The following MDGA2 variants were observed in gnomAD, a reference collection of about 807,000 sequenced individuals.
MDGA2 encodes the protein MAM domain containing glycosylphosphatidylinositol anchor 2, also known as MAM domain-containing glycosylphosphatidylinositol anchor protein 2.
In MDGA2, 40 loss-of-function variants were observed where a neutral mutation model predicts 117.8. The ratio of observed to expected loss-of-function variants is 0.34; its 90% CI spans 0.26 to 0.44. The LOEUF (loss-of-function observed/expected upper bound fraction) is 0.44. MDGA2 is among the 20% of genes least tolerant of loss of function. The probability of loss-of-function intolerance (pLI) is 1.00; values close to 1 mark genes in which losing one functional copy is unlikely to be tolerated. For synonymous variants in MDGA2, 452 were observed against 439.0 expected (o/e 1.03, Z -0.37); for missense variants, 1,123 against 1,250.6 (o/e 0.90, Z 1.54).
At chr14:47,177,058 C>T (rs1213428664) in intron 3 of MDGA2, among the ~76,000 whole-genome samples, 10 of 151,518 alleles carry the variant, frequency 6.6e-5, no homozygotes, top group East Asian at 3.9e-4. Flanking sequence ...AAAATGCTCA[C>T]CATCACTGGC....
At chr14:47,572,675 A>G (rs1246042935) in intron 1 of MDGA2, among the ~76,000 whole-genome samples, 2 of 152,132 alleles carry the variant, frequency 1.3e-5, no homozygotes, top group African/African-American at 2.4e-5. Flanking sequence ...TCTACCTCCA[A>G]TGGTACTACT....
intron 5 of MDGA2, among the ~76,000 whole-genome samples, chr14:47,099,553 A>G (rs578195789): frequency 7.9e-5 from 12 of 152,100 alleles, no homozygotes; most frequent in African/African-American, 2.6e-4. Context: ...TTTTTTCTTC[A>G]TATTACCTTG....
chr14:47,339,347 G>T (rs776190701), intron 1 of MDGA2, among the ~76,000 whole-genome samples: 1 of 152,058 alleles, frequency 6.6e-6, no homozygotes, highest in Non-Finnish European at 1.5e-5. Context: ...TTTAAAAATA[G>T]TATTCTGTAA....
chr14:47,337,226 A>G (rs1423082451), intron 1 of MDGA2, among the ~76,000 whole-genome samples: 1 of 152,092 alleles, frequency 6.6e-6, no homozygotes, highest in African/African-American at 2.4e-5. Context: ...TAATAAATTC[A>G]AGGAAGGTAA....
At chr14:46,898,199 A>G (rs966147118) in intron 10 of MDGA2, among the ~76,000 whole-genome samples, 1 of 152,118 alleles carries the variant, frequency 6.6e-6, no homozygotes, top group Non-Finnish European at 1.5e-5. Flanking sequence ...AATTAAAAAT[A>G]TGAAATATAA....
intron 2 of MDGA2, among the ~76,000 whole-genome samples, chr14:47,277,094 G>A (rs1342106691): frequency 1.3e-5 from 2 of 152,130 alleles, no homozygotes; most frequent in Non-Finnish European, 1.5e-5. Flanking sequence ...AAGCTCTTAT[G>A]AAGGATCAGG....
chr14:47,038,967 G>C (rs1319828944), intron 7 of MDGA2, among the ~76,000 whole-genome samples: 1 of 150,278 alleles, frequency 6.7e-6, no homozygotes. Context: ...AAAAAAAATA[G>C]ATTTTAAATC....
chr14:47,210,180 C>A (rs372709127), intron 3 of MDGA2, among the ~76,000 whole-genome samples: 126 of 152,208 alleles, frequency 8.3e-4, no homozygotes, highest in African/African-American at 2.8e-3. Context: ...CAGACAAGGA[C>A]CAAAAATATC....
At chr14:47,573,229 T>G (rs184240277) in intron 1 of MDGA2, among the ~76,000 whole-genome samples, 1 of 151,858 alleles carries the variant, frequency 6.6e-6, no homozygotes, top group African/African-American at 2.4e-5. Flanking sequence ...AAGATGAGAG[T>G]TGATTAAGAT....
At chr14:46,971,940 T>A (rs954650409) in intron 8 of MDGA2, among the ~76,000 whole-genome samples, 3 of 152,190 alleles carry the variant, frequency 2.0e-5, no homozygotes, top group East Asian at 1.9e-4. Context: ...TGACTTTGGG[T>A]TGTTGAAACA....
intron 8 of MDGA2, among the ~76,000 whole-genome samples, chr14:46,971,081 A>T (rs1356540747): frequency 6.6e-6 from 1 of 152,128 alleles, no homozygotes; most frequent in Non-Finnish European, 1.5e-5. Context: ...ACTGGTGAGG[A>T]TGCAGAGAAA....
chr14:47,584,354 G>C (rs566107925), intron 1 of MDGA2, among the ~76,000 whole-genome samples: 16 of 151,882 alleles, frequency 1.1e-4, no homozygotes, highest in African/African-American at 2.7e-4. Context: ...GTTTGCTACA[G>C]ATTAACCTTA....
intron 3 of MDGA2, among the ~76,000 whole-genome samples, chr14:47,212,509 G>A (rs1162908370): frequency 6.6e-6 from 1 of 152,092 alleles, no homozygotes; most frequent in Non-Finnish European, 1.5e-5. Flanking sequence ...AATACCCAGA[G>A]GCAACCTTTT....
At chr14:47,300,273 A>C (rs756050349) in intron 2 of MDGA2, among the ~76,000 whole-genome samples, 11 of 152,158 alleles carry the variant, frequency 7.2e-5, no homozygotes, top group Non-Finnish European at 1.6e-4. Context: ...TTGTCTACTG[A>C]GTGAAACTAT....
At chr14:47,512,693 T>C (rs1894666427) in intron 1 of MDGA2, among the ~76,000 whole-genome samples, 1 of 152,196 alleles carries the variant, frequency 6.6e-6, no homozygotes, top group South Asian at 2.1e-4. Flanking sequence ...CTTGAAATTA[T>C]TGATGTCAGT....
intron 1 of MDGA2, among the ~76,000 whole-genome samples, chr14:47,339,291 AAG>A (rs1350840273): frequency 3.3e-5 from 5 of 152,270 alleles, no homozygotes; most frequent in South Asian, 2.1e-4. Context: ...ATAATACAAA[AAG>A]AGATTTTATT....
rs1253015700 is a variant in MDGA2, at chr14:47,053,827, G to A, written c.1525+7422C>T. ...AGTAAAATTCTCTGCTGGTTATTTC[G>A]CTTCTCTCTGCAGTTCAGTAGCACT... On this transcript the variant is annotated intron_variant, in intron 7 of 16. Coordinates refer to ENST00000399232, the MANE Select transcript of MDGA2 (RefSeq NM_001113498.3). 2.0e-5 allele frequency among the ~76,000 whole-genome samples: 3 copies of A among 151,490 alleles called. No individual in the cohort carries two copies. The East Asian group carries it at 5.8e-4, about 29-fold the overall frequency.
At chr14:47,490,749 T>C (rs1170097704) in intron 1 of MDGA2, among the ~76,000 whole-genome samples, 2 of 152,084 alleles carry the variant, frequency 1.3e-5, no homozygotes, top group Non-Finnish European at 2.9e-5. Context: ...ATAAAAAATA[T>C]TATATCAGCT....
intron 8 of MDGA2, among the ~76,000 whole-genome samples, chr14:47,019,272 T>C (rs961645057): frequency 3.3e-5 from 5 of 152,176 alleles, no homozygotes; most frequent in Admixed American, 3.3e-4. Context: ...AGAATCATCA[T>C]AATTTTGACA....
Sources: allele counts gnomAD v4.1 joint callset (sites outside exome capture counted in the v4.1 genomes callset), GRCh38; gene constraint gnomAD v4.1.1; transcripts MANE v1.5; gene names NCBI Gene and HGNC (gene_info 2026-07-23, HGNC 2026-07-21).